SLC6A14: variants seen among roughly 807,000 people sequenced by gnomAD.
SLC6A14 encodes the protein solute carrier family 6 member 14, also known as sodium- and chloride-dependent neutral and basic amino acid transporter B(0+).
In SLC6A14, 21 loss-of-function variants were observed where a neutral mutation model predicts 51.4. The observed-to-expected ratio is 0.41, with a 90% CI of 0.29 to 0.59. The LOEUF (loss-of-function observed/expected upper bound fraction) is 0.59, where lower values mean the gene tolerates loss of function less well. SLC6A14 is among the 20% of genes least tolerant of loss of function. The probability of loss-of-function intolerance (pLI) is 0.31; values close to 1 mark genes in which losing one functional copy is unlikely to be tolerated. For synonymous variants in SLC6A14, 177 were observed against 160.7 expected (o/e 1.10, Z -0.77); for missense variants, 371 against 472.8 (o/e 0.78, Z 2.00).
chrX:116,451,224 T>C (rs782530082), intron 7 of SLC6A14, among the ~76,000 whole-genome samples: 3 of 111,049 alleles, frequency 2.7e-5, no homozygotes, highest in East Asian at 2.8e-4. Flanking sequence ...GAAGTCAGGA[T>C]AGCAATTGCC....
At chrX:116,444,124 G>T (rs1927656749) in intron 5 of SLC6A14, among the ~76,000 whole-genome samples, 1 of 112,041 alleles carries the variant, frequency 8.9e-6, no homozygotes, top group Non-Finnish European at 1.9e-5. Flanking sequence ...AAGTTGTAAT[G>T]ATAAATAGTT....
chrX:116,447,167 A>T (rs1173663355), intron 7 of SLC6A14, among the ~76,000 whole-genome samples: 6 of 111,685 alleles, frequency 5.4e-5, no homozygotes, highest in African/African-American at 1.6e-4. Context: ...AGGCTTATTA[A>T]TCTGAAAAAC....
intron 1 of SLC6A14, 84 bp from the exon 2 acceptor site, chrX:116,437,706 G>A (rs1352205432): frequency 1.0e-6 from 1 of 954,688 alleles, no homozygotes; most frequent in East Asian, 3.2e-5. Flanking sequence ...CCCATTTTCT[G>A]TTGCTCTATG....
Position 116,436,613 on chromosome X carries a change from T to C in SLC6A14, c.-97T>C. 3 of 935,077 alleles carry C rather than the reference T, an allele frequency of 3.2e-6. No homozygotes were observed. Among genetic ancestry groups the C allele is most frequent in the Non-Finnish European group, 4.4e-6 (3 of 686,672 alleles). 77.1% of individuals were successfully genotyped at this position (935,077 alleles called of 1,213,427 possible). The stretch of plus-strand genomic sequence containing the variant: ...CCCACCCCTGGGCAAGGTGGCTCAC[T>C]CTGGCAGGTAGGAACAGGGGAGAGT... On this transcript the variant is annotated 5_prime_UTR_variant, in exon 1 of 14. Coordinates refer to ENST00000598581, the MANE Select transcript of SLC6A14 (RefSeq NM_007231.5).
intron 3 of SLC6A14, among the ~76,000 whole-genome samples, chrX:116,442,108 C>T (rs1437963200): frequency 9.0e-6 from 1 of 111,617 alleles, no homozygotes; most frequent in Admixed American, 9.5e-5. Flanking sequence ...ATGCGCTTAC[C>T]ACAAGTCTTC....
rs191473855 is a variant in SLC6A14, at chrX:116,448,793, C to T, written c.930+1912C>T. 7.5e-4 allele frequency among the ~76,000 whole-genome samples: 83 copies of T among 111,043 alleles called. 2 individuals are homozygous for T. Among genetic ancestry groups the T allele is most frequent in the African/African-American group, 2.6e-3 (80 of 30,599 alleles). On this transcript the variant is annotated intron_variant, in intron 7 of 13. Transcript: ENST00000598581. ...AAATCATTCTGAAAAATTTATATGA[C>T]ACTTTTATATTGGTCTGTGTTTCAG...
At chrX:116,457,991 A>G (rs1927967407) in intron 13 of SLC6A14, among the ~76,000 whole-genome samples, 1 of 111,677 alleles carries the variant, frequency 9.0e-6, no homozygotes, top group Admixed American at 9.5e-5. Context: ...ATGCTAGACT[A>G]TAAGCTCCTT....
intron 7 of SLC6A14, among the ~76,000 whole-genome samples, chrX:116,450,233 G>GA (rs781849563): frequency 2.7e-5 from 3 of 110,386 alleles, no homozygotes; most frequent in South Asian, 7.6e-4. Flanking sequence ...AATTTTGGAG[G>GA]AAAAAAAATC....
At chrX:116,450,116 T>C (rs1927794275) in intron 7 of SLC6A14, among the ~76,000 whole-genome samples, 1 of 111,329 alleles carries the variant, frequency 9.0e-6, no homozygotes, top group Non-Finnish European at 1.9e-5. Flanking sequence ...AGATCAAGGA[T>C]AATACCTATA....
At chrX:116,457,246 A>T (rs1927951998) in intron 12 of SLC6A14, among the ~76,000 whole-genome samples, 1 of 111,549 alleles carries the variant, frequency 9.0e-6, no homozygotes, top group South Asian at 3.7e-4. Flanking sequence ...GAATAAAACC[A>T]TGCTATTATA....
chrX:116,445,282 T>C (rs1927683621), intron 6 of SLC6A14, among the ~76,000 whole-genome samples: 1 of 110,379 alleles, frequency 9.1e-6, no homozygotes, highest in African/African-American at 3.3e-5. Context: ...GCACATTTCC[T>C]AAAAACATGG....
intron 8 of SLC6A14, 72 bp from the exon 9 acceptor site, chrX:116,452,945 T>A (rs782636330): frequency 4.4e-4 from 381 of 866,365 alleles, no homozygotes; most frequent in Non-Finnish European, 5.6e-4. Context: ...TTTTCTAATA[T>A]CTTATGTTTT....
At chrX:116,442,278 T>A (rs7054956) in intron 3 of SLC6A14, among the ~76,000 whole-genome samples, 138 of 112,027 alleles carry the variant, frequency 1.2e-3, no homozygotes, top group African/African-American at 4.4e-3. Context: ...AGTCTTTATT[T>A]ATTTAGAGAC....
At chrX:116,440,856 C>T in intron 2 of SLC6A14, 110 bp from the exon 3 acceptor site, 1 of 830,618 alleles carries the variant, frequency 1.2e-6, no homozygotes, top group Non-Finnish European at 1.7e-6. Context: ...AAACCCAGCG[C>T]TCTTTGATTC....
chrX:116,440,273 A>C (rs1927568471), intron 2 of SLC6A14, among the ~76,000 whole-genome samples: 1 of 112,259 alleles, frequency 8.9e-6, no homozygotes. Context: ...TGTGAAATTG[A>C]AAGTTAACTA....
Position 116,451,505 on chromosome X carries a change from G to A in SLC6A14, c.994G>A (p.Ala332Thr). The change falls in exon 8 of 14, where the codon GCT (alanine) becomes ACT (threonine). Residue 332 changes from alanine (A) to threonine (T), a missense_variant. Physicochemically the swap from Ala to Thr is moderately conservative, Grantham distance 58. This residue lies in a region of SLC6A14 where 277 missense variants were observed against 391.8 expected (regional missense o/e 0.71). Transcript: ENST00000598581. ...TTCAGTGGCTTGGGGTGGCTTAGTT[G>A]CTCTATCATCTTACAATAAGTTCAA... ...SLSVAWGGLV[A>T]LSSYNKFKNN... The A allele has an allele frequency of 8.3e-7, 1 of 1,210,667 alleles. No individual in the cohort carries two copies. The highest frequency in any genetic ancestry group is 2.2e-5 in the Admixed American group (1 of 45,916).
In SLC6A14 at chrX:116,460,012, A is replaced by AT. The variant is rs1928012216; in HGVS notation, c.*1058dup. The AT allele has an allele frequency of 8.9e-6, 1 of 111,870 alleles. No individual in the cohort carries two copies. The highest frequency in any genetic ancestry group is 3.2e-5 in the African/African-American group (1 of 30,822). 9.2% of individuals were successfully genotyped at this position (111,870 alleles called of 1,213,427 possible). ...GTTTCCTTACCAAGGATAATTAAAT[A>AT]TATCACTAAGAGCTTTATATATTGA... On this transcript the variant is annotated 3_prime_UTR_variant, in exon 14 of 14. Coordinates refer to ENST00000598581, the MANE Select transcript of SLC6A14 (RefSeq NM_007231.5).
In SLC6A14 at chrX:116,442,868, A is replaced by G; in HGVS notation, c.508+20A>G. The G allele has an allele frequency of 9.1e-7, 1 of 1,101,429 alleles. No homozygotes were observed. The highest frequency in any genetic ancestry group is 1.2e-6 in the Non-Finnish European group (1 of 820,385). 90.8% of individuals were successfully genotyped at this position (1,101,429 alleles called of 1,213,427 possible). ...CAATAGGTAAAATTTGTCAACACCC[A>G]AATAGTTCTTTTATATATATTTTTT... On this transcript the variant is annotated intron_variant, in intron 4 of 13. Transcript: ENST00000598581.
chrX:116,453,235 C>G, intron 9 of SLC6A14, 93 bp downstream of exon 9: 6 of 746,810 alleles, frequency 8.0e-6, no homozygotes, highest in Non-Finnish European at 9.4e-6. Flanking sequence ...CCCCTATTAC[C>G]CCCTCTAGCT....
Sources: allele counts gnomAD v4.1 joint callset (sites outside exome capture counted in the v4.1 genomes callset), GRCh38; gene constraint gnomAD v4.1.1; regional missense constraint gnomAD v4.1.1; transcripts MANE v1.5; gene names NCBI Gene and HGNC (gene_info 2026-07-23, HGNC 2026-07-21).